TECPR2: variants seen among roughly 807,000 people sequenced by gnomAD.
TECPR2 encodes tectonin beta-propeller repeat containing 2.
TECPR2 carries 65 observed loss-of-function variants against 138.1 expected under a neutral mutation model. That is an observed-to-expected ratio of 0.47 (90% CI 0.39 to 0.58). The LOEUF is 0.58. TECPR2 is among the 20% of genes least tolerant of loss of function. TECPR2 has a pLI of 0.00. For synonymous variants in TECPR2, 746 were observed against 749.8 expected, an observed-to-expected ratio of 0.99 and a Z score of 0.08; for missense variants, 1,553 against 1,824.5, an observed-to-expected ratio of 0.85 and a Z score of 2.71.
chr14:102,414,599 G>T lies in TECPR2; in HGVS notation c.481-37G>T, dbSNP rs762807979. 6.8e-6 allele frequency: 11 copies of T among 1,610,824 alleles called. No individual in the cohort carries two copies. The South Asian group carries it at 1.2e-4, about 18-fold the overall frequency. ...TAAGGGAGGTCCATTCTTTAGCCTG[G>T]CGCTGATGTGAGGTGTAACCAGACT... is the stretch of plus-strand genomic sequence containing the variant. On this transcript the variant is annotated intron_variant, in intron 4 of 19. Coordinates refer to ENST00000359520, the MANE Select transcript of TECPR2 (RefSeq NM_014844.5).
chr14:102,486,698 G>A (rs944930768), intron 17 of TECPR2, among the ~76,000 whole-genome samples: 3 of 152,174 alleles, frequency 2.0e-5, no homozygotes, highest in Admixed American at 6.5e-5. Context: ...CTCGTACCAC[G>A]GTCAGAGTCT....
chr14:102,445,031 C>A (rs568703610), intron 12 of TECPR2, among the ~76,000 whole-genome samples: 23 of 152,220 alleles, frequency 1.5e-4, no homozygotes, highest in Non-Finnish European at 2.9e-4. Flanking sequence ...CTGAGACTGG[C>A]CCTGCTCTCA....
intron 2 of TECPR2, among the ~76,000 whole-genome samples, chr14:102,397,180 C>T (rs1195649130): frequency 2.0e-5 from 3 of 152,114 alleles, no homozygotes; most frequent in African/African-American, 4.8e-5. Flanking sequence ...TTGGCACAGA[C>T]GGCCTACAGT....
intron 1 of TECPR2, among the ~76,000 whole-genome samples, chr14:102,364,532 T>G (rs1016894432): frequency 6.6e-6 from 1 of 152,118 alleles, no homozygotes; most frequent in African/African-American, 2.4e-5. Flanking sequence ...GACACACAAA[T>G]TGAATTTTCA....
chr14:102,412,930 A>T (rs1263033630), intron 4 of TECPR2, among the ~76,000 whole-genome samples: 2 of 152,070 alleles, frequency 1.3e-5, no homozygotes, highest in African/African-American at 4.8e-5. Flanking sequence ...CCCCATTTCT[A>T]CCAAAAAACA....
intron 2 of TECPR2, among the ~76,000 whole-genome samples, chr14:102,390,005 A>G (rs1489663908): frequency 6.6e-6 from 1 of 152,224 alleles, no homozygotes; most frequent in East Asian, 1.9e-4. Flanking sequence ...TTAATAATTG[A>G]ATGAATTCAT....
chr14:102,438,137 T>G lies in TECPR2; in HGVS notation c.2510T>G (p.Leu837Trp), dbSNP rs929575306. The change falls in exon 10 of 20, where the codon TTG (leucine) becomes TGG (tryptophan). Residue 837 changes from leucine to tryptophan, a missense_variant. Transcript: ENST00000359520. ...DYKGGLFCSA[L>W]PGAGLRWQKF... ...AAAGGCGGCCTGTTCTGCAGCGCGTTGCCGGGCGCCGGGCTGCGCTGGCAG... is the reference window on the plus strand; with the variant it reads ...AAAGGCGGCCTGTTCTGCAGCGCGTGGCCGGGCGCCGGGCTGCGCTGGCAG... The G allele has an allele frequency of 8.7e-6, 14 of 1,613,946 alleles. No homozygotes were observed. Among genetic ancestry groups the G allele is most frequent in the Non-Finnish European group, 9.3e-6 (11 of 1,179,992 alleles).
Position 102,498,565 on chromosome 14 carries a change from CT to C in TECPR2, c.*312del. On this transcript the variant is annotated 3_prime_UTR_variant, in exon 20 of 20. Coordinates refer to ENST00000359520, the MANE Select transcript of TECPR2 (RefSeq NM_014844.5). ...TGGTCTCATCCACAGATAGCTCCAG[CT>C]TTTGTTGGTGGGAGTGGTCTCCGGA... is the stretch of plus-strand genomic sequence containing the variant. The C allele has an allele frequency of 2.1e-6, 1 of 467,842 alleles. No individual in the cohort carries two copies. Among genetic ancestry groups the C allele is most frequent in the Non-Finnish European group, 3.9e-6 (1 of 253,610 alleles). 29.0% of individuals were successfully genotyped at this position (467,842 alleles called of 1,614,324 possible).
At chr14:102,421,714 T>C (rs1442010500) in intron 5 of TECPR2, among the ~76,000 whole-genome samples, 1 of 152,214 alleles carries the variant, frequency 6.6e-6, no homozygotes, top group Non-Finnish European at 1.5e-5. Context: ...GTCACAAGCA[T>C]TGCTTTTGTG....
rs1249284893 is a variant in TECPR2, at chr14:102,452,591, G to A, written c.3604G>A (p.Gly1202Ser). The change falls in exon 16 of 20, where the codon GGC becomes AGC. Residue 1202 changes from glycine to serine, a missense_variant. Gly to Ser is a moderately conservative substitution (Grantham distance 56). Transcript: ENST00000359520. Reference sequence around the variant, plus strand: ...GACGCTCTCCAAGAGCTGCCCCACGGGCATGCACTGGACCAGGCTGGACCT... The same window carrying A: ...GACGCTCTCCAAGAGCTGCCCCACGAGCATGCACTGGACCAGGCTGGACCT... The part of the protein sequence containing the change: ...IRTLSKSCPT[G>S]MHWTRLDLSQ... The A allele has an allele frequency of 6.2e-7, 1 of 1,605,324 alleles. No homozygotes were observed. The highest frequency in any genetic ancestry group is 1.1e-5 in the South Asian group (1 of 89,478).
chr14:102,478,935 T>C (rs1302023730), intron 17 of TECPR2, among the ~76,000 whole-genome samples: 2 of 149,810 alleles, frequency 1.3e-5, no homozygotes, highest in African/African-American at 4.9e-5. Flanking sequence ...GAGGATTGCT[T>C]GAGCCCAGGA....
At chr14:102,465,997 C>G (rs1275560967) in intron 17 of TECPR2, among the ~76,000 whole-genome samples, 1 of 152,164 alleles carries the variant, frequency 6.6e-6, no homozygotes, top group African/African-American at 2.4e-5. Context: ...TGTTGGGAAA[C>G]AGGTGAAGTT....
At chr14:102,458,966 C>CATATATATATATATATATATAT (rs3068229) in intron 16 of TECPR2, among the ~76,000 whole-genome samples, 27 of 138,376 alleles carry the variant, frequency 2.0e-4, no homozygotes, top group African/African-American at 6.4e-4. Flanking sequence ...AAAATACACA[C>CATATATATATATATATATATAT]ATATATATAT....
rs1012372849 is a variant in TECPR2, at chr14:102,376,947, C to T, written c.219+7C>T. On this transcript the variant is annotated splice_region_variant and intron_variant, in intron 2 of 19. Transcript: ENST00000359520. ...GAGGAAGTACAACTTTGAGGTGAGCCTTGCTTTGCTTTTCACCTGAGGGGG... is the reference window on the plus strand; with the variant it reads ...GAGGAAGTACAACTTTGAGGTGAGCTTTGCTTTGCTTTTCACCTGAGGGGG... 1.9e-6 allele frequency: 3 copies of T among 1,607,712 alleles called. No individual in the cohort carries two copies. Among genetic ancestry groups the T allele is most frequent in the African/African-American group, 2.7e-5 (2 of 74,786 alleles).
At chr14:102,452,959 T>A (rs1344926999) in intron 16 of TECPR2, among the ~76,000 whole-genome samples, 1 of 152,174 alleles carries the variant, frequency 6.6e-6, no homozygotes, top group Non-Finnish European at 1.5e-5. Flanking sequence ...ATATGGAACA[T>A]AGCTTTATGA....
intron 16 of TECPR2, among the ~76,000 whole-genome samples, chr14:102,454,283 C>T (rs1383197986): frequency 2.0e-5 from 3 of 152,154 alleles, no homozygotes; most frequent in East Asian, 3.9e-4. Context: ...AAGCAAGCAT[C>T]GTCCTAGGCT....
At chr14:102,427,104 T>C (rs1381243268) in intron 6 of TECPR2, among the ~76,000 whole-genome samples, 1 of 151,368 alleles carries the variant, frequency 6.6e-6, no homozygotes, top group Non-Finnish European at 1.5e-5. Context: ...GGGGTGGGGG[T>C]GGAAGAAGCA....
intron 17 of TECPR2, among the ~76,000 whole-genome samples, chr14:102,478,337 C>T (rs528971367): frequency 2.0e-5 from 3 of 152,062 alleles, no homozygotes; most frequent in African/African-American, 7.2e-5. Context: ...ATGTGAGCCA[C>T]CATGTCTGGC....
chr14:102,393,426 TTAA>T (rs1888230705), intron 2 of TECPR2, among the ~76,000 whole-genome samples: 1 of 152,354 alleles, frequency 6.6e-6, no homozygotes, highest in African/African-American at 2.4e-5. Context: ...ATGACATTTA[TTAA>T]TAATCATATT....
Sources: allele counts gnomAD v4.1 joint callset (sites outside exome capture counted in the v4.1 genomes callset), GRCh38; gene constraint gnomAD v4.1.1; transcripts MANE v1.5; gene names NCBI Gene and HGNC (gene_info 2026-07-23, HGNC 2026-07-21).